FAM149A: variants seen among roughly 807,000 people sequenced by gnomAD.
FAM149A encodes protein FAM149A.
In FAM149A, 71 loss-of-function variants were observed where a neutral mutation model predicts 78.2. The observed-to-expected ratio is 0.91, with a 90% CI of 0.75 to 1.11. The LOEUF is 1.11. FAM149A is among the 50% of genes least tolerant of loss of function. The probability of loss-of-function intolerance (pLI) is 0.00; values close to 1 mark genes in which losing one functional copy is unlikely to be tolerated. For missense variants in FAM149A, 1,036 were observed against 971.0 expected (o/e 1.07, Z -0.89); for synonymous variants, 446 against 410.5 (o/e 1.09, Z -1.04).
Position 186,164,789 on chromosome 4 carries a change from C to T in FAM149A, c.1890-555C>T, listed in dbSNP as rs1210642839. On this transcript the variant is annotated intron_variant, in intron 10 of 13. Transcript: ENST00000389354. The surrounding 1 kb of genome is among the most constrained non-coding windows in gnomAD (Gnocchi z 4.0). ...CAGATGCCACTAACTGTACAAATCC[C>T]TCTGTGTTCTGACCCCTCCCTCCCT... 6.6e-6 allele frequency among the ~76,000 whole-genome samples: 1 copy of T among 152,160 alleles called. No homozygotes were observed. Among genetic ancestry groups the T allele is most frequent in the African/African-American group, 2.4e-5 (1 of 41,434 alleles).
At chr4:186,147,018 A>G (rs1043128142) in intron 1 of FAM149A, 2 of 973,062 alleles carry the variant, frequency 2.1e-6, no homozygotes, top group Non-Finnish European at 1.2e-6. Flanking sequence ...GATCTATATA[A>G]TACAAAATGC....
intron 1 of FAM149A, among the ~76,000 whole-genome samples, chr4:186,133,778 C>A (rs1282352028): frequency 6.6e-6 from 1 of 152,162 alleles, no homozygotes; most frequent in East Asian, 1.9e-4. Flanking sequence ...GCCTCAGCCT[C>A]CCAGAGTACC....
At position 186,172,070 on chromosome 4, in the gene FAM149A, T is replaced by G; in HGVS notation, c.*83T>G. 6.4e-7 allele frequency: 1 copy of G among 1,556,110 alleles called. No individual in the cohort carries two copies. ...GAAAAATGGAGGAACAAGTGTTATA[T>G]TTATCTGTGTGTCTGACAGTGTGAG... is the stretch of plus-strand genomic sequence containing the variant. On this transcript the variant is annotated 3_prime_UTR_variant, in exon 14 of 14. Coordinates refer to ENST00000389354, the MANE Select transcript of FAM149A (RefSeq NM_001367768.3).
In FAM149A at chr4:186,127,017, C is replaced by T. The variant is rs117284998; in HGVS notation, c.566+21375C>T. Reference sequence around the variant, plus strand: ...TGGAATTTTGTAATGGTAGAGCTGTCGCGTATGCCAATTACAAGTGTTGCG... The same window carrying T: ...TGGAATTTTGTAATGGTAGAGCTGTTGCGTATGCCAATTACAAGTGTTGCG... On this transcript the variant is annotated intron_variant, in intron 1 of 13. Coordinates refer to ENST00000389354, the MANE Select transcript of FAM149A (RefSeq NM_001367768.3). 36 of 985,298 alleles carry T rather than the reference C, an allele frequency of 3.7e-5. No individual in the cohort carries two copies. The East Asian group carries it at 8.0e-4, about 22-fold the overall frequency. The allele number at this position is 985,298 out of a possible 1,614,324, so 61.0% of individuals were successfully genotyped here.
At chr4:186,154,406 T>C in intron 5 of FAM149A, 62 bp from the exon 6 acceptor site, 5 of 1,378,626 alleles carry the variant, frequency 3.6e-6, no homozygotes, top group Non-Finnish European at 5.0e-6. Flanking sequence ...GCCATGATCG[T>C]TTAAGCATTG....
At chr4:186,126,984 G>A in intron 1 of FAM149A, 3 of 985,390 alleles carry the variant, frequency 3.0e-6, no homozygotes, top group Non-Finnish European at 3.6e-6. Context: ...TTGAAGACTG[G>A]AATGGAATGG....
In FAM149A at chr4:186,154,773, T is replaced by C. The variant is rs1444204203; in HGVS notation, c.1229+135T>C. The stretch of plus-strand genomic sequence containing the variant: ...AAGATTTCTGTTCTTTTGAGAGTAA[T>C]GTACTCCCCAGAGCTTTTGGATTCC... On this transcript the variant is annotated intron_variant, in intron 6 of 13. Coordinates refer to ENST00000389354, the MANE Select transcript of FAM149A (RefSeq NM_001367768.3). The C allele has an allele frequency of 2.8e-6, 4 of 1,427,880 alleles. No homozygotes were observed. In the African/African-American group the frequency reaches 4.3e-5, roughly 15 times the overall value. 88.5% of individuals were successfully genotyped at this position (1,427,880 alleles called of 1,614,324 possible). A position where few individuals can be genotyped will look rare whatever the true frequency, so the allele number is the denominator to read the frequency against.
chr4:186,169,844 C>T (rs1418659092), intron 13 of FAM149A: 1 of 985,292 alleles, frequency 1.0e-6, no homozygotes, highest in Non-Finnish European at 1.2e-6. Flanking sequence ...CGCCTCACTG[C>T]CTCTTAACTA....
intron 1 of FAM149A, among the ~76,000 whole-genome samples, chr4:186,136,855 C>T (rs1468652092): frequency 1.3e-5 from 2 of 151,878 alleles, no homozygotes; most frequent in Non-Finnish European, 2.9e-5. Context: ...CTGTCTGTGC[C>T]CGAGTTTTCT....
chr4:186,145,232 C>T, intron 1 of FAM149A: 2 of 811,116 alleles, frequency 2.5e-6, no homozygotes, highest in Non-Finnish European at 3.0e-6. Context: ...ACTCGGGAAG[C>T]GTCAGGCCGG....
At chr4:186,160,217 C>CCAAACACATACCACATACACACACTA (rs1734449653) in intron 8 of FAM149A, among the ~76,000 whole-genome samples, 17 of 133,458 alleles carry the variant, frequency 1.3e-4, no homozygotes, top group African/African-American at 4.5e-4. Flanking sequence ...ACACCACTCA[C>CCAAACACATACCACATACACACACTA]CACACACACC....
intron 1 of FAM149A, among the ~76,000 whole-genome samples, chr4:186,119,740 C>G (rs539541688): frequency 1.3e-5 from 2 of 152,136 alleles, no homozygotes; most frequent in Admixed American, 6.5e-5. Context: ...CAGAGAATGT[C>G]GCTCTTTGTA....
Position 186,165,352 on chromosome 4 carries a change from G to T in FAM149A, c.1898G>T (p.Gly633Val), listed in dbSNP as rs776333010. The change falls in exon 11 of 14, where the codon GGC becomes GTC. Residue 633 changes from glycine (G) to valine (V), a missense_variant. Physicochemically the swap from Gly to Val is moderately radical, Grantham distance 109. Transcript: ENST00000389354. ...ATGATGATGTGTTGCAGGCCGACTGGCGTGGACCACATGGCTTCCCCACTG... is the reference window on the plus strand; with the variant it reads ...ATGATGATGTGTTGCAGGCCGACTGTCGTGGACCACATGGCTTCCCCACTG... 1.9e-6 allele frequency: 3 copies of T among 1,614,222 alleles called. No individual in the cohort carries two copies. The highest frequency in any genetic ancestry group is 3.3e-5 in the Admixed American group (2 of 60,022).
In FAM149A at chr4:186,164,158, A is replaced by G. The variant is rs897168028; in HGVS notation, c.1889+525A>G. Among the ~76,000 whole-genome samples, 7 of 152,194 alleles carry G rather than the reference A, an allele frequency of 4.6e-5. No homozygotes were observed. Among genetic ancestry groups the G allele is most frequent in the Non-Finnish European group, 1.0e-4 (7 of 68,030 alleles). ...TCCAGCTAACTTACCAGTATCGGCC[A>G]ATACTTACATTGATAATAATAGCTA... On this transcript the variant is annotated intron_variant, in intron 10 of 13. Transcript: ENST00000389354. This position sits in a 1 kb window ranked among gnomAD's most constrained non-coding sequence, Gnocchi z 4.0.
At chr4:186,125,866 G>A (rs2099318111) in intron 1 of FAM149A, 1 of 985,380 alleles carries the variant, frequency 1.0e-6, no homozygotes. Context: ...AAGCAACGTA[G>A]AGGAGTGGAA....
Position 186,165,451 on chromosome 4 carries a change from G to T in FAM149A, c.1997G>T (p.Cys666Phe). The T allele has an allele frequency of 6.2e-7, 1 of 1,614,164 alleles. No homozygotes were observed. Among genetic ancestry groups the T allele is most frequent in the Non-Finnish European group, 8.5e-7 (1 of 1,180,006 alleles). Reference sequence around the variant, plus strand: ...GGGCAGAATACAGCAGTTCCTGGATGCCGCCTTGTTTCTGTAAGACAGATT... The same window carrying T: ...GGGCAGAATACAGCAGTTCCTGGATTCCGCCTTGTTTCTGTAAGACAGATT... The change falls in exon 11 of 14, where the codon TGC becomes TTC. Residue 666 changes from cysteine to phenylalanine, a missense_variant. Cys to Phe is a radical substitution (Grantham distance 205, BLOSUM62 -2). Coordinates refer to ENST00000389354, the MANE Select transcript of FAM149A (RefSeq NM_001367768.3).
chr4:186,130,885 G>A (rs1210856199), intron 1 of FAM149A, among the ~76,000 whole-genome samples: 2 of 152,120 alleles, frequency 1.3e-5, no homozygotes, highest in Admixed American at 6.6e-5. Context: ...CTGCAAAGTT[G>A]GTGTTGCAGA....
chr4:186,148,743 T>A (rs995908310), intron 1 of FAM149A, among the ~76,000 whole-genome samples: 1 of 152,174 alleles, frequency 6.6e-6, no homozygotes, highest in African/African-American at 2.4e-5. Context: ...TTAATTAATA[T>A]GGGATTAATG....
chr4:186,104,962 G>A lies in FAM149A; in HGVS notation c.-115G>A, dbSNP rs2099308183. 1 of 1,175,218 alleles carries A rather than the reference G, an allele frequency of 8.5e-7. No individual in the cohort carries two copies. Among genetic ancestry groups the A allele is most frequent in the African/African-American group, 1.7e-5 (1 of 59,040 alleles). 72.8% of individuals were successfully genotyped at this position (1,175,218 alleles called of 1,614,324 possible). ...GGAGGAGAGGGAGCCAGGGGCCTCC[G>A]GGGCTCCGGGTGCGGGGACCTCAGG... On this transcript the variant is annotated 5_prime_UTR_variant, in exon 1 of 14. Coordinates refer to ENST00000389354, the MANE Select transcript of FAM149A (RefSeq NM_001367768.3).
Sources: gnomAD v4.1 joint callset for allele counts (sites outside exome capture counted in the v4.1 genomes callset) on GRCh38, gnomAD v4.1.1 for gene constraint, Gnocchi (gnomAD v3.1) non-coding constraint, MANE v1.5 for transcripts, NCBI Gene and HGNC (gene_info 2026-07-23, HGNC 2026-07-21) for gene names.